The following SRPX variants were observed in gnomAD, a reference collection of about 807,000 sequenced individuals.
SRPX encodes the protein sushi repeat-containing protein SRPX.
SRPX carries 24 observed loss-of-function variants against 38.1 expected under a neutral mutation model. The observed-to-expected ratio is 0.63, with a 90% CI of 0.46 to 0.89. SRPX has a LOEUF of 0.89. Ranked by LOEUF, SRPX falls within the 40% of genes least tolerant of loss-of-function variation. SRPX has a pLI of 0.00. For missense variants in SRPX, 416 were observed against 377.8 expected, an observed-to-expected ratio of 1.10 and a Z score of -0.84; for synonymous variants, 184 against 153.8, an observed-to-expected ratio of 1.20 and a Z score of -1.45.
At chrX:38,202,973 A>C (rs1939139695) in intron 1 of SRPX, among the ~76,000 whole-genome samples, 1 of 112,320 alleles carries the variant, frequency 8.9e-6, no homozygotes, top group African/African-American at 3.2e-5. Context: ...CTTCACATCA[A>C]AATAAAACTA....
At position 38,181,694 on chromosome X, in the gene SRPX, G is replaced by A. The variant is rs1427802500; in HGVS notation, c.98-3350C>T. 2.7e-5 allele frequency among the ~76,000 whole-genome samples: 3 copies of A among 111,947 alleles called. No individual in the cohort carries two copies. The Admixed American group carries it at 2.8e-4, about 11-fold the overall frequency. ...TGCTCCAGCCCTTCCAATTTTGTGA[G>A]TACCTTATTTCCTGCATTAAATCAT... On this transcript the variant is annotated intron_variant, in intron 1 of 9. Transcript: ENST00000378533.
At chrX:38,193,879 A>G (rs1314808871) in intron 1 of SRPX, among the ~76,000 whole-genome samples, 1 of 112,141 alleles carries the variant, frequency 8.9e-6, no homozygotes, top group Admixed American at 9.4e-5. Flanking sequence ...CTGTGCTTAC[A>G]TGAAAATCAA....
chrX:38,197,307 A>G (rs981741769), intron 1 of SRPX, among the ~76,000 whole-genome samples: 1 of 112,557 alleles, frequency 8.9e-6, no homozygotes, highest in Non-Finnish European at 1.9e-5. Context: ...CAGGTGAAAT[A>G]GTTTCTTAAA....
At chrX:38,206,231 G>A (rs1939208379) in intron 1 of SRPX, among the ~76,000 whole-genome samples, 2 of 111,775 alleles carry the variant, frequency 1.8e-5, no homozygotes, top group Admixed American at 9.5e-5. Flanking sequence ...CCATCCCAGC[G>A]ATTTCAGTCA....
At chrX:38,177,104 T>A (rs1205744399) in intron 2 of SRPX, among the ~76,000 whole-genome samples, 1 of 111,124 alleles carries the variant, frequency 9.0e-6, no homozygotes, top group Non-Finnish European at 1.9e-5. Flanking sequence ...TGCATGCATG[T>A]GTTTTAGGAA....
intron 1 of SRPX, among the ~76,000 whole-genome samples, chrX:38,199,253 A>G (rs1486597455): frequency 5.6e-3 from 509 of 90,706 alleles, no homozygotes; most frequent in African/African-American, 8.3e-3. Context: ...AAAAATACAA[A>G]AAATTAGCCA....
intron 2 of SRPX, among the ~76,000 whole-genome samples, chrX:38,174,641 G>A (rs1938537805): frequency 9.0e-6 from 1 of 111,685 alleles, no homozygotes; most frequent in Non-Finnish European, 1.9e-5. Flanking sequence ...GCTGTTACAA[G>A]GACGAAATAA....
chrX:38,174,181 A>C lies in SRPX; in HGVS notation c.328T>G (p.Ser110Ala). The C allele has an allele frequency of 1.8e-6, 2 of 1,112,449 alleles. No individual in the cohort carries two copies. Among genetic ancestry groups the C allele is most frequent in the Non-Finnish European group, 2.4e-6 (2 of 846,009 alleles). 91.7% of individuals were successfully genotyped at this position (1,112,449 alleles called of 1,213,427 possible). A position where few individuals can be genotyped will look rare whatever the true frequency, so the allele number is the denominator to read the frequency against. Residue 110 changes from serine (S) to alanine (A), a missense_variant, in exon 3 of 10, where the codon TCT becomes GCT. Physicochemically the swap from Ser to Ala is moderately conservative, Grantham distance 99. Coordinates refer to ENST00000378533, the MANE Select transcript of SRPX (RefSeq NM_006307.5). Reference protein sequence around the residue: ...LLICQSNKRWSDKVICKQKRC... With the variant: ...LLICQSNKRWADKVICKQKRC... ...TCACGTTTGCAGATGACCTTGTCAG[A>C]CCATCGTTTGTTTGACTGGCAGATC... is the stretch of plus-strand genomic sequence containing the variant.
chrX:38,199,435 T>TA (rs771482342), intron 1 of SRPX, among the ~76,000 whole-genome samples: 5 of 109,030 alleles, frequency 4.6e-5, no homozygotes, highest in African/African-American at 1.3e-4. Context: ...TTAAAAAAAA[T>TA]AAAAAAAGTG....
intron 4 of SRPX, 87 bp downstream of exon 4, chrX:38,171,794 A>T: frequency 1.0e-6 from 1 of 981,851 alleles, no homozygotes; most frequent in Non-Finnish European, 1.4e-6. Flanking sequence ...CAGGAGGAAT[A>T]GTGATGCTCC....
chrX:38,210,706 G>T (rs1939303937), intron 1 of SRPX, among the ~76,000 whole-genome samples: 1 of 112,373 alleles, frequency 8.9e-6, no homozygotes, highest in Non-Finnish European at 1.9e-5. Context: ...ATATCAGGAG[G>T]CTACCAAGCC....
intron 9 of SRPX, among the ~76,000 whole-genome samples, chrX:38,152,929 C>A (rs944647951): frequency 8.9e-6 from 1 of 112,481 alleles, no homozygotes; most frequent in Non-Finnish European, 1.9e-5. Flanking sequence ...ACACAACTCT[C>A]TGTCTTAAGT....
At chrX:38,194,534 T>G (rs951062864) in intron 1 of SRPX, among the ~76,000 whole-genome samples, 5 of 112,226 alleles carry the variant, frequency 4.5e-5, no homozygotes, top group African/African-American at 1.3e-4. Context: ...AGGTACTTAG[T>G]CTAGAGAAAT....
chrX:38,155,092 CGAG>C (rs1452870752), intron 8 of SRPX, among the ~76,000 whole-genome samples: 1 of 106,369 alleles, frequency 9.4e-6, no homozygotes, highest in Non-Finnish European at 1.9e-5. Flanking sequence ...CAGTCAACCA[CGAG>C]GAGGGCTCAT....
At chrX:38,158,762 C>T (rs752241217) in intron 7 of SRPX, among the ~76,000 whole-genome samples, 1 of 111,489 alleles carries the variant, frequency 9.0e-6, no homozygotes. Context: ...GTGCAGATCA[C>T]GAGGTCAGGA....
chrX:38,187,341 A>G (rs747166483), intron 1 of SRPX, among the ~76,000 whole-genome samples: 3 of 112,179 alleles, frequency 2.7e-5, no homozygotes, highest in Non-Finnish European at 5.6e-5. Context: ...ACAATCCTGT[A>G]TGATTTGTGA....
At chrX:38,160,906 A>G (rs773846757) in intron 6 of SRPX, 27 bp downstream of exon 6, 7 of 1,200,235 alleles carry the variant, frequency 5.8e-6, no homozygotes, top group Non-Finnish European at 7.9e-6. Context: ...GAGAGGGGGA[A>G]ACAAAACCAA....
chrX:38,218,878 A>G (rs1436780401), intron 1 of SRPX, among the ~76,000 whole-genome samples: 1 of 111,451 alleles, frequency 9.0e-6, no homozygotes, highest in Non-Finnish European at 1.9e-5. Flanking sequence ...GACCCCATTG[A>G]GCCATGCCAA....
intron 1 of SRPX, among the ~76,000 whole-genome samples, chrX:38,186,703 T>A (rs1938793972): frequency 9.0e-6 from 1 of 111,461 alleles, no homozygotes; most frequent in Admixed American, 9.5e-5. Flanking sequence ...ACAGTTGCCC[T>A]CTTCTCCAGA....
Sources: gnomAD v4.1 joint callset for allele counts (sites outside exome capture counted in the v4.1 genomes callset) on GRCh38, gnomAD v4.1.1 for gene constraint, MANE v1.5 for transcripts, NCBI Gene and HGNC (gene_info 2026-07-23, HGNC 2026-07-21) for gene names.